The following HYDIN variants were observed in gnomAD, a reference collection of about 807,000 sequenced individuals.
HYDIN encodes axonemal central pair apparatus protein HYDIN.
Under a neutral mutation model 403.9 loss-of-function variants are expected in HYDIN, and 132 were observed. The ratio of observed to expected loss-of-function variants is 0.33; its 90% confidence interval spans 0.28 to 0.38. The LOEUF is 0.38. Ranked by LOEUF, HYDIN falls within the 10% of genes least tolerant of loss-of-function variation. The pLI is 1.00. For missense variants in HYDIN, 2,827 were observed against 5,009.5 expected, an observed-to-expected ratio of 0.56 and a Z score of 13.15; for synonymous variants, 1,202 against 1,891.7, an observed-to-expected ratio of 0.64 and a Z score of 9.46.
At chr16:70,910,544 G>C (rs528689348) in intron 47 of HYDIN, among the ~76,000 whole-genome samples, 16 of 151,930 alleles carry the variant, frequency 1.1e-4, no homozygotes, top group Admixed American at 2.0e-4. Context: ...CTATAAACAT[G>C]TGTGTGCAAG....
At chr16:70,949,009 G>A (rs2077974609) in intron 41 of HYDIN, among the ~76,000 whole-genome samples, 1 of 150,196 alleles carries the variant, frequency 6.7e-6, no homozygotes, top group Non-Finnish European at 1.5e-5. Flanking sequence ...ACATGCACAT[G>A]TATGTTTATT....
At chr16:71,021,114 C>T (rs543765660) in intron 21 of HYDIN, among the ~76,000 whole-genome samples, 42 of 151,424 alleles carry the variant, frequency 2.8e-4, no homozygotes, top group African/African-American at 9.0e-4. Context: ...TCTTGTTATA[C>T]TGACAAATGA....
chr16:71,224,559 C>CTTTTTTTTTTTT (rs34595246), intron 1 of HYDIN, among the ~76,000 whole-genome samples: 1 of 117,386 alleles, frequency 8.5e-6, no homozygotes, highest in Non-Finnish European at 1.8e-5. Flanking sequence ...TAAGGTTTTT[C>CTTTTTTTTTTTT]TTTTTTTTTT....
At chr16:70,872,611 C>T (rs1230466414) in intron 64 of HYDIN, among the ~76,000 whole-genome samples, 1 of 147,550 alleles carries the variant, frequency 6.8e-6, no homozygotes, top group Non-Finnish European at 1.5e-5. Flanking sequence ...AGCCATCATC[C>T]ACCCACCCAC....
rs963603044 is a variant in HYDIN, at chr16:70,805,043, G to A, written c.*2537C>T. On this transcript the variant is annotated 3_prime_UTR_variant, in exon 86 of 86. Coordinates refer to ENST00000393567, the MANE Select transcript of HYDIN (RefSeq NM_001270974.2). ...TACCACATTGACCATTATTGAAAAA[G>A]TACACCCTTTTGAAGAGTAGGGTGA... 6.6e-6 allele frequency among the ~76,000 whole-genome samples: 1 copy of A among 152,196 alleles called. No individual in the cohort carries two copies. The highest frequency in any genetic ancestry group is 2.1e-4 in the South Asian group (1 of 4,828).
chr16:70,955,270 A>T, intron 40 of HYDIN, 105 bp downstream of exon 40: 2 of 668,354 alleles, frequency 3.0e-6, no homozygotes, highest in Non-Finnish European at 4.9e-6. Flanking sequence ...GGCAGACTTC[A>T]ACCAGGCTGT....
chr16:70,944,318 G>A (rs1273359687), intron 41 of HYDIN, among the ~76,000 whole-genome samples: 1 of 152,248 alleles, frequency 6.6e-6, no homozygotes, highest in South Asian at 2.1e-4. Context: ...CAATGGAAGA[G>A]AGAGAAAAGG....
intron 28 of HYDIN, among the ~76,000 whole-genome samples, chr16:70,983,721 C>A (rs1198862270): frequency 7.0e-6 from 1 of 142,722 alleles, no homozygotes; most frequent in Non-Finnish European, 1.5e-5. Flanking sequence ...ATTATCTGAT[C>A]GTGATTCAAA....
intron 6 of HYDIN, among the ~76,000 whole-genome samples, chr16:71,154,184 G>A (rs2085660670): frequency 1.3e-5 from 2 of 148,414 alleles, no homozygotes; most frequent in Admixed American, 6.7e-5. Flanking sequence ...AGGACCTCAG[G>A]TGCTCCCTAC....
intron 14 of HYDIN, among the ~76,000 whole-genome samples, 174 bp downstream of exon 14, chr16:71,069,093 C>T (rs1402573609): frequency 2.6e-5 from 4 of 151,334 alleles, no homozygotes; most frequent in East Asian, 1.9e-4. Context: ...CATTGCTTTG[C>T]CCAATGTATT....
At chr16:71,089,253 C>T (rs57675629) in intron 11 of HYDIN, among the ~76,000 whole-genome samples, 3 of 151,930 alleles carry the variant, frequency 2.0e-5, no homozygotes, top group Admixed American at 6.6e-5. Flanking sequence ...CATGCACACT[C>T]GTGATATTAG....
chr16:71,061,190 A>G (rs2144270143), intron 17 of HYDIN, among the ~76,000 whole-genome samples: 1 of 148,274 alleles, frequency 6.7e-6, no homozygotes, highest in East Asian at 1.9e-4. Flanking sequence ...GCTGCTCAGC[A>G]AGCTACCCTC....
At chr16:71,210,535 GA>G (rs1049834660) in intron 1 of HYDIN, among the ~76,000 whole-genome samples, 4 of 146,322 alleles carry the variant, frequency 2.7e-5, no homozygotes, top group South Asian at 2.2e-4. Context: ...GAGAGGTTCA[GA>G]AAAAAAAAAG....
chr16:70,944,132 G>A (rs2077772162), intron 41 of HYDIN, among the ~76,000 whole-genome samples, 183 bp from the exon 42 acceptor site: 1 of 152,246 alleles, frequency 6.6e-6, no homozygotes, highest in Admixed American at 6.5e-5. Flanking sequence ...TAAGTTTCAA[G>A]TGGGAATAGC....
intron 1 of HYDIN, among the ~76,000 whole-genome samples, chr16:71,226,343 G>A (rs2041032060): frequency 6.6e-6 from 1 of 151,972 alleles, no homozygotes. Flanking sequence ...GGAGGGAGGA[G>A]AGTCTCTTTA....
intron 23 of HYDIN, among the ~76,000 whole-genome samples, chr16:71,015,650 G>A (rs1199333894): frequency 2.6e-5 from 4 of 151,788 alleles, no homozygotes; most frequent in Admixed American, 1.3e-4. Context: ...GCTTCGCTAG[G>A]TCATCGTTAG....
In HYDIN at chr16:70,833,015, C is replaced by T. The variant is rs756449689; in HGVS notation, c.13732G>A (p.Glu4578Lys). The T allele has an allele frequency of 1.2e-6, 2 of 1,614,108 alleles. No individual in the cohort carries two copies. Among genetic ancestry groups the T allele is most frequent in the East Asian group, 2.2e-5 (1 of 44,882 alleles). ...FEPHFSISPE[E>K]GYITSGMEVS... ...TCCATGCCTGAGGTAATATAGCCTT[C>T]TTCTGGGCTAATGGAGAAATGAGGC... is the stretch of plus-strand genomic sequence containing the variant. The change falls in exon 80 of 86, where the codon GAA becomes AAA. Residue 4578 changes from glutamate (E) to lysine (K), a missense_variant. Coordinates refer to ENST00000393567, the MANE Select transcript of HYDIN (RefSeq NM_001270974.2).
chr16:71,044,722 G>T lies in HYDIN; in HGVS notation c.2530-12805C>A, dbSNP rs796632870. ...TGTTCTTTTTTATAGTCTCCAGAAC[G>T]CCATCGCATTTCTAAAATTTACTTT... On this transcript the variant is annotated intron_variant, in intron 18 of 85. Transcript: ENST00000393567. 3.7e-5 allele frequency among the ~76,000 whole-genome samples: 5 copies of T among 136,358 alleles called. No homozygotes were observed. The South Asian group carries it at 1.2e-3, about 33-fold the overall frequency. 89.5% of individuals were successfully genotyped at this position (136,358 alleles called of 152,430 possible).
chr16:71,049,984 A>C (rs888824293), intron 18 of HYDIN, among the ~76,000 whole-genome samples: 2 of 147,482 alleles, frequency 1.4e-5, no homozygotes, highest in African/African-American at 2.5e-5. Context: ...TAGTACAAGA[A>C]TATATATATA....
Sources: allele counts gnomAD v4.1 joint callset (sites outside exome capture counted in the v4.1 genomes callset), GRCh38; gene constraint gnomAD v4.1.1; transcripts MANE v1.5; gene names NCBI Gene and HGNC (gene_info 2026-07-23, HGNC 2026-07-21).